DLGAP2: variants seen among roughly 807,000 people sequenced by gnomAD.
The protein encoded by DLGAP2 is DLG associated protein 2.
A neutral mutation model predicts 100.3 loss-of-function variants in DLGAP2; 26 were observed. The ratio of observed to expected loss-of-function variants is 0.26; its 90% CI spans 0.19 to 0.36. The LOEUF is 0.36. DLGAP2 is among the 10% of genes least tolerant of loss of function. The pLI, the probability that DLGAP2 is intolerant of heterozygous loss-of-function variation, is 1.00. For synonymous variants in DLGAP2, 886 were observed against 630.1 expected, an observed-to-expected ratio of 1.41 and a Z score of -6.08; for missense variants, 1,858 against 1,453.2, an observed-to-expected ratio of 1.28 and a Z score of -4.53.
At chr8:1,032,850 A>G (rs1050248557) in intron 2 of DLGAP2, 1 of 152,210 alleles carries the variant, frequency 6.6e-6, no homozygotes, top group Non-Finnish European at 1.5e-5. Flanking sequence ...ATGGACGTTA[A>G]AGATGGACAA....
At chr8:1,110,758 C>T (rs73670444) in intron 2 of DLGAP2, among the ~76,000 whole-genome samples, 5,347 of 147,784 alleles carry the variant, frequency 0.036, 299 homozygotes, top group African/African-American at 0.13. Context: ...TCCCGCAGCC[C>T]TGCAGTGGCA....
intron 3 of DLGAP2, among the ~76,000 whole-genome samples, chr8:1,495,650 C>T (rs755875486): frequency 1.3e-5 from 2 of 152,190 alleles, no homozygotes; most frequent in Non-Finnish European, 2.9e-5. Context: ...TGGCTTTGAT[C>T]TGTGGTTGTG....
chr8:1,590,489 A>C (rs1322626082), intron 6 of DLGAP2, among the ~76,000 whole-genome samples: 1 of 152,158 alleles, frequency 6.6e-6, no homozygotes, highest in Non-Finnish European at 1.5e-5. Context: ...TTTGCTGCTG[A>C]CTACTGGAAG....
intron 1 of DLGAP2, among the ~76,000 whole-genome samples, chr8:782,338 T>A (rs1352443681): frequency 6.6e-6 from 1 of 152,138 alleles, no homozygotes; most frequent in Non-Finnish European, 1.5e-5. Flanking sequence ...CTTGATTTTT[T>A]TAAAAAAATC....
chr8:1,204,550 G>T (rs1797949488), intron 2 of DLGAP2, among the ~76,000 whole-genome samples: 1 of 149,822 alleles, frequency 6.7e-6, no homozygotes. Flanking sequence ...TTGTGTGTGT[G>T]TGTATATGTC....
chr8:1,428,796 G>T (rs1327479881), intron 3 of DLGAP2, among the ~76,000 whole-genome samples: 1 of 152,188 alleles, frequency 6.6e-6, no homozygotes, highest in Non-Finnish European at 1.5e-5. Flanking sequence ...TGCATGTGCT[G>T]CACACCCACA....
intron 3 of DLGAP2, among the ~76,000 whole-genome samples, chr8:1,378,438 A>ACCTGTCCATCCTGCGCACACCTGACTTCG (rs1796013148): frequency 1.5e-5 from 2 of 137,656 alleles, no homozygotes; most frequent in Admixed American, 7.2e-5. Flanking sequence ...ACCTGACCTC[A>ACCTGTCCATCCTGCGCACACCTGACTTCG]CCTGTCCATC....
chr8:846,088 G>A (rs968396645), intron 1 of DLGAP2, among the ~76,000 whole-genome samples: 10 of 152,096 alleles, frequency 6.6e-5, no homozygotes, highest in Non-Finnish European at 1.2e-4. Flanking sequence ...GGGTAAATAA[G>A]GGCAGTTAGC....
At chr8:1,295,964 C>G (rs17669535) in intron 3 of DLGAP2, 11,643 of 152,270 alleles carry the variant, frequency 0.076, 608 homozygotes, top group South Asian at 0.17. Flanking sequence ...TGCCAGGAGA[C>G]AGCCGGATGC....
At chr8:1,601,289 C>T (rs370588668) in intron 6 of DLGAP2, among the ~76,000 whole-genome samples, 19 of 152,168 alleles carry the variant, frequency 1.2e-4, no homozygotes, top group African/African-American at 4.3e-4. Flanking sequence ...CCGGAGCTCT[C>T]CTGTGTGATG....
At chr8:1,123,504 T>C (rs1463673157) in intron 2 of DLGAP2, among the ~76,000 whole-genome samples, 1 of 152,206 alleles carries the variant, frequency 6.6e-6, no homozygotes, top group Non-Finnish European at 1.5e-5. Context: ...GAAAGATGCC[T>C]GTTAGCTTTG....
chr8:1,198,547 C>G (rs1242481434), intron 2 of DLGAP2, among the ~76,000 whole-genome samples: 1 of 152,114 alleles, frequency 6.6e-6, no homozygotes, highest in Non-Finnish European at 1.5e-5. Flanking sequence ...GGAGGGCACT[C>G]ATGACTCAGG....
chr8:1,590,047 C>T (rs548922679), intron 6 of DLGAP2, among the ~76,000 whole-genome samples: 3 of 152,314 alleles, frequency 2.0e-5, no homozygotes, highest in African/African-American at 7.2e-5. Flanking sequence ...AGGGGAGGAT[C>T]CCTCCTTCCG....
At chr8:1,701,156 AC>A in intron 14 of DLGAP2, 31 bp from the exon 15 acceptor site, 1 of 1,544,118 alleles carries the variant, frequency 6.5e-7, no homozygotes, top group Non-Finnish European at 8.7e-7. Context: ...TCCTCCGAGC[AC>A]CTGCCAACGG....
chr8:1,431,396 C>A (rs1797431893), intron 3 of DLGAP2, among the ~76,000 whole-genome samples: 1 of 152,212 alleles, frequency 6.6e-6, no homozygotes, highest in African/African-American at 2.4e-5. Context: ...ATGCTGACAA[C>A]CTACTGGGCG....
chr8:1,579,248 C>T (rs1441781833), intron 6 of DLGAP2, among the ~76,000 whole-genome samples: 1 of 151,942 alleles, frequency 6.6e-6, no homozygotes, highest in African/African-American at 2.4e-5. Flanking sequence ...TTCAAAGATA[C>T]TTCATATCAT....
intron 2 of DLGAP2, among the ~76,000 whole-genome samples, chr8:1,175,290 T>A (rs769606617): frequency 5.9e-5 from 9 of 152,088 alleles, no homozygotes; most frequent in Non-Finnish European, 1.3e-4. Context: ...CAATAGTGCA[T>A]TTCATGGGGA....
At chr8:1,180,418 T>G (rs1797355516) in intron 2 of DLGAP2, among the ~76,000 whole-genome samples, 2 of 152,232 alleles carry the variant, frequency 1.3e-5, no homozygotes, top group South Asian at 4.1e-4. Flanking sequence ...TTGCCCAGCC[T>G]GGTCTTGAGC....
intron 5 of DLGAP2, among the ~76,000 whole-genome samples, chr8:1,557,191 A>T (rs1801994266): frequency 6.6e-6 from 1 of 152,188 alleles, no homozygotes; most frequent in Admixed American, 6.5e-5. Context: ...CTGGGGGCAG[A>T]ATTACCTGGT....
Sources: allele counts gnomAD v4.1 joint callset (sites outside exome capture counted in the v4.1 genomes callset), GRCh38; gene constraint gnomAD v4.1.1; transcripts MANE v1.5; gene names NCBI Gene and HGNC (gene_info 2026-07-23, HGNC 2026-07-21).